Variants in FREM2 observed in about 807,000 individuals in gnomAD.
The protein encoded by FREM2 is FRAS1 related extracellular matrix 2.
FREM2 carries 119 observed loss-of-function variants against 219.9 expected under a neutral mutation model. That is an observed-to-expected ratio of 0.54 (90% confidence interval 0.47 to 0.63). The LOEUF (loss-of-function observed/expected upper bound fraction) is 0.63. Among genes scored for constraint, FREM2 ranks in the 30% least tolerant of loss-of-function variants. FREM2 has a pLI of 0.00. For synonymous variants in FREM2, 1,562 were observed against 1,522.8 expected (o/e 1.03, Z -0.60); for missense variants, 4,030 against 3,993.6 (o/e 1.01, Z -0.25).
At chr13:38,706,088 T>A (rs1474511706) in intron 2 of FREM2, among the ~76,000 whole-genome samples, 2 of 152,214 alleles carry the variant, frequency 1.3e-5, no homozygotes, top group African/African-American at 4.8e-5. Flanking sequence ...CAGAAATTTT[T>A]AAAAACCCAC....
intron 17 of FREM2, 122 bp downstream of exon 17, chr13:38,873,056 T>C: frequency 1.3e-6 from 1 of 795,922 alleles, no homozygotes; most frequent in South Asian, 1.6e-5. Flanking sequence ...TCATTTTCTA[T>C]CTATAATAAG....
chr13:38,688,739 G>T lies in FREM2; in HGVS notation c.1395G>T (p.Pro465=), dbSNP rs181720619. 6.2e-7 allele frequency: 1 copy of T among 1,613,922 alleles called. No individual in the cohort carries two copies. The highest frequency in any genetic ancestry group is 8.5e-7 in the Non-Finnish European group (1 of 1,179,898). The part of the protein sequence containing the change: ...RPLTGPAGSG[P]QNLVISDEDD... ...TCACAGGCCCTGCAGGCAGTGGTCC[G>T]CAAAACTTGGTCATCAGCGATGAGG... is the stretch of plus-strand genomic sequence containing the variant. The change falls in exon 1 of 24, where the codon CCG becomes CCT. Residue 465 remains proline, a synonymous_variant. Transcript: ENST00000280481.
chr13:38,784,745 G>T lies in FREM2; in HGVS notation c.5956G>T (p.Gly1986Trp). The T allele has an allele frequency of 6.2e-7, 1 of 1,614,140 alleles. No homozygotes were observed. Among genetic ancestry groups the T allele is most frequent in the Non-Finnish European group, 8.5e-7 (1 of 1,179,994 alleles). The part of the protein sequence containing the change: ...TFHVLLSMPM[G>W]GRIGSEFPGA... ...CCATGTCCTTCTGAGCATGCCCATGGGGGGAAGAATCGGATCAGAGTTCCC... is the reference window on the plus strand; with the variant it reads ...CCATGTCCTTCTGAGCATGCCCATGTGGGGAAGAATCGGATCAGAGTTCCC... The change falls in exon 6 of 24, where the codon GGG (glycine) becomes TGG (tryptophan). Residue 1986 changes from glycine (G) to tryptophan (W), a missense_variant. Around this residue, in one of 2 missense-constraint regions of FREM2, gnomAD observed 3,102 missense variants for 2,950.7 expected, o/e 1.05. Coordinates refer to ENST00000280481, the MANE Select transcript of FREM2 (RefSeq NM_207361.6).
chr13:38,837,765 G>GT (rs151057502), intron 6 of FREM2, among the ~76,000 whole-genome samples: 9,421 of 136,526 alleles, frequency 0.069, 664 homozygotes, highest in Admixed American at 0.12. Context: ...GCAACCCCTG[G>GT]TTTTTTTTTG....
chr13:38,864,402 T>C lies in FREM2; in HGVS notation c.7779T>C (p.Tyr2593=). 1 of 1,614,158 alleles carries C rather than the reference T, an allele frequency of 6.2e-7. No homozygotes were observed. The highest frequency in any genetic ancestry group is 1.1e-5 in the South Asian group (1 of 91,080). The change falls in exon 16 of 24, where the codon TAT becomes TAC. Residue 2593 remains tyrosine (Y), a synonymous_variant. Coordinates refer to ENST00000280481, the MANE Select transcript of FREM2 (RefSeq NM_207361.6). ...ATTATACTGAAGTGAAGACTCATTA[T>C]GGTTTCTTGACTGATGCTACCAAAA... ...LLDYTEVKTH[Y]GFLTDATKNP... is the part of the protein sequence containing the mutation.
Position 38,689,394 on chromosome 13 carries a change from T to C in FREM2, c.2050T>C (p.Ser684Pro), listed in dbSNP as rs748315646. 6.2e-7 allele frequency: 1 copy of C among 1,613,950 alleles called. No individual in the cohort carries two copies. The highest frequency in any genetic ancestry group is 1.7e-5 in the Admixed American group (1 of 60,004). The change falls in exon 1 of 24, where the codon TCC (serine) becomes CCC (proline). Residue 684 changes from serine to proline, a missense_variant. By Grantham distance (74) the Ser-to-Pro change is moderately conservative. Coordinates refer to ENST00000280481, the MANE Select transcript of FREM2 (RefSeq NM_207361.6). The stretch of plus-strand genomic sequence containing the variant: ...GGATAACCATGACCCTCCTAATCAG[T>C]CCGGGCTACAGCGGTTTGTGATTCG... ...VQDNHDPPNQSGLQRFVIRIH... is the reference protein window; with the variant it reads ...VQDNHDPPNQPGLQRFVIRIH...
chr13:38,856,185 G>A lies in FREM2; in HGVS notation c.6985G>A (p.Gly2329Arg), dbSNP rs773877887. 8 of 1,611,766 alleles carry A rather than the reference G, an allele frequency of 5.0e-6. No homozygotes were observed. The highest frequency in any genetic ancestry group is 5.1e-6 in the Non-Finnish European group (6 of 1,178,010). The change falls in exon 12 of 24, where the codon GGG (glycine) becomes AGG (arginine). Residue 2329 changes from glycine to arginine, a missense_variant. Around this residue, in one of 2 missense-constraint regions of FREM2, gnomAD observed 3,102 missense variants for 2,950.7 expected, o/e 1.05. Coordinates refer to ENST00000280481, the MANE Select transcript of FREM2 (RefSeq NM_207361.6). ...GGTTGAAATCGAAGTTACCTTTGAC[G>A]GGGTGAGAGAGATGAGAGAGGCCTT... is the stretch of plus-strand genomic sequence containing the variant. ...HVVEIEVTFD[G>R]VREMREAFTV...
chr13:38,695,498 C>T (rs566870670), intron 1 of FREM2, among the ~76,000 whole-genome samples: 155 of 152,206 alleles, frequency 1.0e-3, no homozygotes, highest in Non-Finnish European at 2.0e-3. Flanking sequence ...TATCCCTTAA[C>T]GATTACAATT....
In FREM2 at chr13:38,689,843, C is replaced by T. The variant is rs550946518; in HGVS notation, c.2499C>T (p.Leu833=). ...HPVDNQPPEI[L]NTGFTIQEKG... Reference sequence around the variant, plus strand: ...TGGACAACCAGCCACCTGAGATCCTCAACACCGGCTTCACTATTCAGGAGA... The same window carrying T: ...TGGACAACCAGCCACCTGAGATCCTTAACACCGGCTTCACTATTCAGGAGA... The change falls in exon 1 of 24, where the codon CTC becomes CTT. Residue 833 remains leucine (L), a synonymous_variant. Coordinates refer to ENST00000280481, the MANE Select transcript of FREM2 (RefSeq NM_207361.6). The T allele has an allele frequency of 3.1e-6, 5 of 1,614,158 alleles. No individual in the cohort carries two copies. In the African/African-American group the frequency reaches 5.3e-5, roughly 17 times the overall value.
intron 5 of FREM2, 22 bp from the exon 6 acceptor site, chr13:38,784,533 CTT>C: frequency 6.2e-7 from 1 of 1,613,382 alleles, no homozygotes; most frequent in Non-Finnish European, 8.5e-7. Flanking sequence ...ACATAAAAAT[CTT>C]TTGAATTCTC....
rs180789776 is a variant in FREM2, at chr13:38,753,709, T to C, written c.5264-10595T>C. On this transcript the variant is annotated intron_variant, in intron 2 of 23. Coordinates refer to ENST00000280481, the MANE Select transcript of FREM2 (RefSeq NM_207361.6). ...TAAATGAGAGTTCATGTTGCAGTTA[T>C]GTATTTGCTTTGTCCTTTGTCCTCT... 3.4e-3 allele frequency among the ~76,000 whole-genome samples: 519 copies of C among 152,346 alleles called. 4 individuals are homozygous for C. Among genetic ancestry groups the C allele is most frequent in the Non-Finnish European group, 3.5e-3 (238 of 68,028 alleles).
chr13:38,859,802 A>T (rs149577365), intron 14 of FREM2, among the ~76,000 whole-genome samples: 2 of 151,908 alleles, frequency 1.3e-5, no homozygotes, highest in Non-Finnish European at 2.9e-5. Flanking sequence ...GCCAGACACA[A>T]TGCTTTGTGC....
rs114837786 is a variant in FREM2, at chr13:38,850,157, C to T, written c.6499C>T (p.Arg2167Trp). ...CAGATCTTCAGTGAGATGCTACACC[C>T]GGCAGGGGTCTGCACAGGTGATGAT... is the stretch of plus-strand genomic sequence containing the variant. ...QYRSSVRCYT[R>W]QGSAQVMMDF... The change falls in exon 9 of 24, where the codon CGG becomes TGG. Residue 2167 changes from arginine to tryptophan, a missense_variant. Arg to Trp is a moderately radical substitution (Grantham distance 101, BLOSUM62 -3). Around this residue, in one of 2 missense-constraint regions of FREM2, gnomAD observed 3,102 missense variants for 2,950.7 expected, o/e 1.05. Transcript: ENST00000280481. The T allele has an allele frequency of 2.0e-5, 33 of 1,613,856 alleles. No homozygotes were observed. In the East Asian group the frequency reaches 3.1e-4, roughly 15 times the overall value.
chr13:38,790,286 A>G (rs1049539697), intron 6 of FREM2, among the ~76,000 whole-genome samples: 13 of 152,214 alleles, frequency 8.5e-5, no homozygotes, highest in Admixed American at 2.6e-4. Flanking sequence ...TCCACTTTAC[A>G]TCACCTGTTC....
chr13:38,850,090 G>C lies in FREM2; in HGVS notation c.6432G>C (p.Gly2144=), dbSNP rs115935998. The change falls in exon 9 of 24, where the codon GGG becomes GGC. Residue 2144 remains glycine, a synonymous_variant. Coordinates refer to ENST00000280481, the MANE Select transcript of FREM2 (RefSeq NM_207361.6). The part of the protein sequence containing the change: ...ERIYTGSESD[G]QIVTMIHRTG... ...TATATACTGGCAGCGAAAGTGATGG[G>C]CAGATAGTTACAATGATCCATAGGA... 56 of 1,614,008 alleles carry C rather than the reference G, an allele frequency of 3.5e-5. No individual in the cohort carries two copies. In the African/African-American group the frequency reaches 6.7e-4, roughly 19 times the overall value.
rs190504967 is a variant in FREM2 at position 38,748,211 on chromosome 13, G to A, written c.5264-16093G>A. The stretch of plus-strand genomic sequence containing the variant: ...AGTAAATGTGGTCTGTCTGTGGAAC[G>A]AATATACCAGTAGTCAGTTGTGTTT... On this transcript the variant is annotated intron_variant, in intron 2 of 23. Transcript: ENST00000280481. Among the ~76,000 whole-genome samples, 6 of 152,250 alleles carry A rather than the reference G, an allele frequency of 3.9e-5. No homozygotes were observed. The East Asian group carries it at 5.8e-4, about 15-fold the overall frequency.
In FREM2 at chr13:38,737,864, C is replaced by A. The variant is rs1872062715; in HGVS notation, c.5264-26440C>A. Among the ~76,000 whole-genome samples the A allele has an allele frequency of 2.0e-5, 3 of 152,128 alleles. No individual in the cohort carries two copies. The South Asian group carries it at 6.2e-4, about 32-fold the overall frequency. The stretch of plus-strand genomic sequence containing the variant: ...CAATATGGAGTTAGTTAAGGGTTTT[C>A]AAATGGAAATGGTATGATGTAAGCT... On this transcript the variant is annotated intron_variant, in intron 2 of 23. Transcript: ENST00000280481.
intron 2 of FREM2, among the ~76,000 whole-genome samples, chr13:38,721,641 G>A (rs145139129): frequency 2.0e-5 from 3 of 152,234 alleles, no homozygotes; most frequent in African/African-American, 7.2e-5. Flanking sequence ...CAGTTGGCCG[G>A]GCTAGGCATA....
intron 22 of FREM2, 85 bp from the exon 23 acceptor site, chr13:38,878,746 G>A (rs1389253731): frequency 1.5e-6 from 2 of 1,317,134 alleles, no homozygotes; most frequent in Admixed American, 1.7e-5. Context: ...ATTTGTACTT[G>A]CACAAAACAA....
Sources: gnomAD v4.1 joint callset for allele counts (sites outside exome capture counted in the v4.1 genomes callset) on GRCh38, gnomAD v4.1.1 for gene constraint, gnomAD v4.1.1 regional missense constraint, MANE v1.5 for transcripts, NCBI Gene and HGNC (gene_info 2026-07-23, HGNC 2026-07-21) for gene names.